Variants in KIRREL3 observed in about 807,000 individuals in gnomAD.
KIRREL3 encodes kirre like nephrin family adhesion molecule 3.
KIRREL3 carries 36 observed loss-of-function variants against 89.7 expected under a neutral mutation model. The observed-to-expected ratio is 0.40, with a 90% confidence interval of 0.31 to 0.53. KIRREL3 has a LOEUF of 0.53. Ranked by LOEUF, KIRREL3 falls within the 20% of genes least tolerant of loss-of-function variation. The pLI is 0.49. For synonymous variants in KIRREL3, 445 were observed against 441.4 expected (o/e 1.01, Z -0.10); for missense variants, 864 against 1,056.6 (o/e 0.82, Z 2.53).
Position 126,513,876 on chromosome 11 carries a change from G to T in KIRREL3, c.433+7439C>A, listed in dbSNP as rs1168065496. Among the ~76,000 whole-genome samples the T allele has an allele frequency of 6.6e-6, 1 of 152,152 alleles. No individual in the cohort carries two copies. The highest frequency in any genetic ancestry group is 2.4e-5 in the African/African-American group (1 of 41,428). ...CATTATGGCATTGAACCCACAGGGT[G>T]GACCTCAGGGAGCTATAATATAACT... On this transcript the variant is annotated intron_variant, in intron 4 of 16. Coordinates refer to ENST00000525144, the MANE Select transcript of KIRREL3 (RefSeq NM_032531.4). The surrounding 1 kb of genome is among the most constrained non-coding windows in gnomAD (Gnocchi z 5.9).
intron 5 of KIRREL3, among the ~76,000 whole-genome samples, chr11:126,469,252 G>T (rs1311344470): frequency 2.6e-5 from 4 of 152,280 alleles, no homozygotes; most frequent in African/African-American, 9.6e-5. Flanking sequence ...GCCACTGAGG[G>T]CGTCAGACCC....
chr11:126,588,500 T>C (rs1393683051), intron 1 of KIRREL3, among the ~76,000 whole-genome samples: 3 of 152,076 alleles, frequency 2.0e-5, no homozygotes, highest in African/African-American at 7.2e-5. Context: ...GGGTGGAGCC[T>C]TGCTGCGGGC....
At chr11:126,698,755 G>A (rs2135156866) in intron 1 of KIRREL3, among the ~76,000 whole-genome samples, 1 of 152,318 alleles carries the variant, frequency 6.6e-6, no homozygotes, top group East Asian at 1.9e-4. Context: ...CCAAATCCAG[G>A]GCTCTGAGTG....
chr11:126,451,609 CATGTGT>C (rs1956169771), intron 7 of KIRREL3, among the ~76,000 whole-genome samples: 1 of 140,040 alleles, frequency 7.1e-6, no homozygotes, highest in African/African-American at 2.7e-5. Context: ...TGAGCATGTG[CATGTGT>C]GCATGTGTGT....
At position 126,995,314 on chromosome 11, in the gene KIRREL3, G is replaced by T; in HGVS notation, c.55+5141C>A. The T allele has an allele frequency of 4.4e-6, 2 of 456,194 alleles. No individual in the cohort carries two copies. The highest frequency in any genetic ancestry group is 3.1e-5 in the South Asian group (2 of 64,550). 28.3% of individuals were successfully genotyped at this position (456,194 alleles called of 1,614,324 possible). On this transcript the variant is annotated intron_variant, in intron 1 of 16. Coordinates refer to ENST00000525144, the MANE Select transcript of KIRREL3 (RefSeq NM_032531.4). The surrounding 1 kb of genome is among the most constrained non-coding windows in gnomAD (Gnocchi z 6.5). ...AAAGTCAAGATCACTGTGGTGGGGG[G>T]AGTTGAAGTGTGCATTCCAGCATGC...
chr11:126,901,378 C>A (rs1946365234), intron 1 of KIRREL3, among the ~76,000 whole-genome samples: 1 of 151,992 alleles, frequency 6.6e-6, no homozygotes, highest in Non-Finnish European at 1.5e-5. Flanking sequence ...AGAAGTAGTC[C>A]CTTCTTCCTT....
In KIRREL3 at chr11:126,955,758, G is replaced by A. The variant is rs1002830968; in HGVS notation, c.55+44697C>T. Among the ~76,000 whole-genome samples, 2 of 152,180 alleles carry A rather than the reference G, an allele frequency of 1.3e-5. No homozygotes were observed. The highest frequency in any genetic ancestry group is 2.1e-4 in the South Asian group (1 of 4,824). On this transcript the variant is annotated intron_variant, in intron 1 of 16. Transcript: ENST00000525144. This position sits in a 1 kb window ranked among gnomAD's most constrained non-coding sequence, Gnocchi z 4.6. Reference sequence around the variant, plus strand: ...GGATCTAAAAACGAACATGATGCTCGTCCTCAGAAAGCTTAGCTCTAGTGA... The same window carrying A: ...GGATCTAAAAACGAACATGATGCTCATCCTCAGAAAGCTTAGCTCTAGTGA...
In KIRREL3 at chr11:126,807,334, T is replaced by A. The variant is rs535860951; in HGVS notation, c.55+193121A>T. Reference sequence around the variant, plus strand: ...GGTGAATTATGGGCACATTTCCATGTGGTGGGAAAGATGACAGGAGAAAGG... The same window carrying A: ...GGTGAATTATGGGCACATTTCCATGAGGTGGGAAAGATGACAGGAGAAAGG... On this transcript the variant is annotated intron_variant, in intron 1 of 16. Coordinates refer to ENST00000525144, the MANE Select transcript of KIRREL3 (RefSeq NM_032531.4). This position sits in a 1 kb window ranked among gnomAD's most constrained non-coding sequence, Gnocchi z 4.3. Among the ~76,000 whole-genome samples, 1 of 152,170 alleles carries A rather than the reference T, an allele frequency of 6.6e-6. No homozygotes were observed. Among genetic ancestry groups the A allele is most frequent in the South Asian group, 2.1e-4 (1 of 4,818 alleles).
At chr11:126,725,620 G>C (rs1193303048) in intron 1 of KIRREL3, among the ~76,000 whole-genome samples, 1 of 152,208 alleles carries the variant, frequency 6.6e-6, no homozygotes, top group Non-Finnish European at 1.5e-5. Context: ...GATGATGGTG[G>C]TAGAGGCCGT....
chr11:126,431,749 A>C lies in KIRREL3; in HGVS notation c.1589-223T>G, dbSNP rs2134150654. On this transcript the variant is annotated intron_variant, in intron 13 of 16. Coordinates refer to ENST00000525144, the MANE Select transcript of KIRREL3 (RefSeq NM_032531.4). This position sits in a 1 kb window ranked among gnomAD's most constrained non-coding sequence, Gnocchi z 7.1. Reference sequence around the variant, plus strand: ...GACACAGGGGCTTGGTGGGTGGAGGAGAGGGCAGGGGAACTGAGGTAAAGG... The same window carrying C: ...GACACAGGGGCTTGGTGGGTGGAGGCGAGGGCAGGGGAACTGAGGTAAAGG... Among the ~76,000 whole-genome samples, 1 of 151,966 alleles carries C rather than the reference A, an allele frequency of 6.6e-6. No homozygotes were observed. Among genetic ancestry groups the C allele is most frequent in the Middle Eastern group, 3.4e-3 (1 of 294 alleles).
At position 126,729,156 on chromosome 11, in the gene KIRREL3, A is replaced by G. The variant is rs1327296290; in HGVS notation, c.56-166244T>C. Among the ~76,000 whole-genome samples, 2 of 152,218 alleles carry G rather than the reference A, an allele frequency of 1.3e-5. No homozygotes were observed. Among genetic ancestry groups the G allele is most frequent in the African/African-American group, 4.8e-5 (2 of 41,462 alleles). The stretch of plus-strand genomic sequence containing the variant: ...CTTAGTCCAGACTGAGTCCTGTGGA[A>G]TGTGTGGTTGGAGCAAAAAGATGAA... On this transcript the variant is annotated intron_variant, in intron 1 of 16. Coordinates refer to ENST00000525144, the MANE Select transcript of KIRREL3 (RefSeq NM_032531.4). This position sits in a 1 kb window ranked among gnomAD's most constrained non-coding sequence, Gnocchi z 4.5.
chr11:126,829,391 T>C (rs1943528267), intron 1 of KIRREL3, among the ~76,000 whole-genome samples: 1 of 152,226 alleles, frequency 6.6e-6, no homozygotes, highest in Non-Finnish European at 1.5e-5. Context: ...TAACTTTTGC[T>C]AATCAATCCT....
chr11:126,500,130 A>C (rs1372328620), intron 4 of KIRREL3, among the ~76,000 whole-genome samples: 2 of 152,078 alleles, frequency 1.3e-5, no homozygotes, highest in African/African-American at 4.8e-5. Flanking sequence ...AGATCCTTGA[A>C]CCTGTCTTTA....
In KIRREL3 at chr11:126,696,148, T is replaced by C. The variant is rs754348746; in HGVS notation, c.56-133236A>G. On this transcript the variant is annotated intron_variant, in intron 1 of 16. Coordinates refer to ENST00000525144, the MANE Select transcript of KIRREL3 (RefSeq NM_032531.4). The surrounding 1 kb of genome is among the most constrained non-coding windows in gnomAD (Gnocchi z 4.4). The stretch of plus-strand genomic sequence containing the variant: ...GACACGTGCCTGTAGTCCCAGCTAC[T>C]TGGGAGGCTGAGGTATGAGAATTGC... 3.3e-5 allele frequency among the ~76,000 whole-genome samples: 5 copies of C among 151,934 alleles called. No individual in the cohort carries two copies. Among genetic ancestry groups the C allele is most frequent in the Non-Finnish European group, 2.9e-5 (2 of 67,998 alleles).
At chr11:126,758,696 C>CA (rs1415880518) in intron 1 of KIRREL3, among the ~76,000 whole-genome samples, 1 of 152,204 alleles carries the variant, frequency 6.6e-6, no homozygotes, top group Non-Finnish European at 1.5e-5. Context: ...GGAGACCTTG[C>CA]ATGATAAGGT....
intron 1 of KIRREL3, chr11:126,681,725 A>C (rs1053869997): frequency 2.8e-6 from 1 of 354,270 alleles, no homozygotes; most frequent in Non-Finnish European, 5.6e-6. Context: ...ATCAATAAAC[A>C]TTTGTTTAAT....
intron 1 of KIRREL3, among the ~76,000 whole-genome samples, chr11:126,738,217 A>G (rs1948867828): frequency 6.6e-6 from 1 of 152,336 alleles, no homozygotes; most frequent in South Asian, 2.1e-4. Flanking sequence ...TCATAGGGGA[A>G]TGAAATTAAT....
At chr11:126,920,827 A>G (rs1277122913) in intron 1 of KIRREL3, among the ~76,000 whole-genome samples, 1 of 152,146 alleles carries the variant, frequency 6.6e-6, no homozygotes, top group Non-Finnish European at 1.5e-5. Flanking sequence ...GTCACTTTAC[A>G]ATTGGCCTTC....
intron 5 of KIRREL3, among the ~76,000 whole-genome samples, chr11:126,470,434 G>A (rs1956854387): frequency 6.6e-6 from 1 of 152,234 alleles, no homozygotes; most frequent in Non-Finnish European, 1.5e-5. Context: ...CTGAGGGAAG[G>A]AGTTTGCCCT....
Sources: allele counts gnomAD v4.1 joint callset (sites outside exome capture counted in the v4.1 genomes callset), GRCh38; gene constraint gnomAD v4.1.1; non-coding constraint Gnocchi (gnomAD v3.1); transcripts MANE v1.5; gene names NCBI Gene and HGNC (gene_info 2026-07-23, HGNC 2026-07-21).